The following CRADD variants were observed in gnomAD, a reference collection of about 807,000 sequenced individuals.
CRADD encodes the protein CARD and death domain containing adaptor protein, also known as death domain-containing protein CRADD.
A neutral mutation model predicts 15.5 loss-of-function variants in CRADD; 9 were observed. That is an observed-to-expected ratio of 0.58 (90% CI 0.35 to 1.01). The LOEUF is 1.01. CRADD is among the 50% of genes least tolerant of loss of function. CRADD has a pLI of 0.02. For synonymous variants in CRADD, 118 were observed against 107.6 expected, an observed-to-expected ratio of 1.10 and a Z score of -0.60; for missense variants, 227 against 250.3, an observed-to-expected ratio of 0.91 and a Z score of 0.63.
At chr12:93,888,608 T>A (rs1958554958) in intron 2 of CRADD, among the ~76,000 whole-genome samples, 1 of 151,814 alleles carries the variant, frequency 6.6e-6, no homozygotes, top group African/African-American at 2.4e-5. Context: ...AAAGATCTGT[T>A]TGGGGATTTG....
At chr12:93,855,574 G>C (rs193222929), downstream of CRADD, among the ~76,000 whole-genome samples, 43 of 152,336 alleles carry the variant, frequency 2.8e-4, no homozygotes, top group Non-Finnish European at 5.1e-4. Flanking sequence ...CATTTGCCTG[G>C]CTTCTTGGGA....
chr12:93,787,089 G>T, intron 2 of CRADD, among the ~76,000 whole-genome samples: 1 of 146,238 alleles, frequency 6.8e-6, no homozygotes. Flanking sequence ...GTCTCTCTTT[G>T]GAATTTACTT....
chr12:93,817,170 T>A (rs762940226), intron 2 of CRADD, among the ~76,000 whole-genome samples: 3 of 152,176 alleles, frequency 2.0e-5, no homozygotes, highest in Non-Finnish European at 4.4e-5. Context: ...GCTGTCACTG[T>A]CTCCTAATTT....
intron 2 of CRADD, among the ~76,000 whole-genome samples, chr12:93,694,956 AAAC>A (rs1955665474): frequency 6.6e-6 from 1 of 152,244 alleles, no homozygotes; most frequent in African/African-American, 2.4e-5. Flanking sequence ...GAAATAGAAA[AAAC>A]AATTCTGAAA....
chr12:93,872,486 A>G (rs991553905), intron 2 of CRADD, among the ~76,000 whole-genome samples: 3 of 152,114 alleles, frequency 2.0e-5, no homozygotes, highest in Admixed American at 6.6e-5. Context: ...GCCCAGGCCA[A>G]TGTTCTGGAG....
At chr12:93,828,815 C>G (rs576993853) in intron 2 of CRADD, among the ~76,000 whole-genome samples, 101 of 152,282 alleles carry the variant, frequency 6.6e-4, no homozygotes, top group African/African-American at 2.4e-3. Flanking sequence ...CTAAGGTCTT[C>G]ACATTTCTTT....
intron 2 of CRADD, among the ~76,000 whole-genome samples, chr12:93,698,322 A>G (rs75768276): frequency 0.039 from 5,980 of 152,216 alleles, 470 homozygotes; most frequent in East Asian, 0.2. Flanking sequence ...ATGTGATGCC[A>G]AAAAAAGGAG....
intron 2 of CRADD, among the ~76,000 whole-genome samples, chr12:93,710,069 G>A (rs535495551): frequency 4.6e-5 from 7 of 152,142 alleles, no homozygotes; most frequent in Non-Finnish European, 1.0e-4. Context: ...TCACAATTTG[G>A]TGTGTTGGCT....
At chr12:93,868,005 A>C (rs889484083) in intron 2 of CRADD, among the ~76,000 whole-genome samples, 2 of 152,240 alleles carry the variant, frequency 1.3e-5, no homozygotes, top group African/African-American at 4.8e-5. Flanking sequence ...GGAAAGATTT[A>C]AAGTTGAAAA....
intron 2 of CRADD, among the ~76,000 whole-genome samples, chr12:93,727,009 T>C (rs1271453421): frequency 6.6e-6 from 1 of 152,250 alleles, no homozygotes; most frequent in Non-Finnish European, 1.5e-5. Flanking sequence ...AAGGTCCTTT[T>C]ATTTTATGAT....
chr12:93,892,551 G>A (rs1306919606), intron 2 of CRADD, among the ~76,000 whole-genome samples: 1 of 151,792 alleles, frequency 6.6e-6, no homozygotes, highest in Non-Finnish European at 1.5e-5. Flanking sequence ...GGTTCGGAGT[G>A]TCACTCCCCT....
At chr12:93,732,929 T>A (rs76374519) in intron 2 of CRADD, among the ~76,000 whole-genome samples, 4,145 of 152,340 alleles carry the variant, frequency 0.027, 74 homozygotes, top group Middle Eastern at 0.041. Context: ...ATGCACACTG[T>A]CTTGTCTAAT....
At chr12:93,806,052 T>C (rs1957533755) in intron 2 of CRADD, among the ~76,000 whole-genome samples, 1 of 152,130 alleles carries the variant, frequency 6.6e-6, no homozygotes, top group African/African-American at 2.4e-5. Flanking sequence ...AGATTAGGTA[T>C]TTCAATATGT....
intron 2 of CRADD, among the ~76,000 whole-genome samples, chr12:93,724,602 G>A (rs1956321625): frequency 1.3e-5 from 2 of 152,064 alleles, no homozygotes; most frequent in African/African-American, 4.8e-5. Flanking sequence ...GAAGCCTCTT[G>A]ACTTTTCATT....
At chr12:93,853,065 T>G (rs183444499), downstream of CRADD, among the ~76,000 whole-genome samples, 4 of 152,322 alleles carry the variant, frequency 2.6e-5, no homozygotes, top group East Asian at 5.8e-4. Flanking sequence ...TTTCTCTGCC[T>G]GCATATCCTT....
In CRADD at chr12:93,700,905, A is replaced by G. The variant is rs566564996; in HGVS notation, c.298+21833A>G. ...TTCAGGAAGCCTTCCCATACCTTCT[A>G]TGTTGGATTAAGTCCTCTCTCATGC... is the stretch of plus-strand genomic sequence containing the variant. On this transcript the variant is annotated intron_variant, in intron 2 of 2. Transcript: ENST00000332896. Among the ~76,000 whole-genome samples, 6 of 152,032 alleles carry G rather than the reference A, an allele frequency of 3.9e-5. No homozygotes were observed. The South Asian group carries it at 8.3e-4, about 21-fold the overall frequency.
intron 2 of CRADD, among the ~76,000 whole-genome samples, chr12:93,697,540 A>C (rs552017511): frequency 6.6e-6 from 1 of 152,222 alleles, no homozygotes; most frequent in Non-Finnish European, 1.5e-5. Context: ...TCGTATTTCA[A>C]AACATCATGT....
In CRADD at chr12:93,824,354, C is replaced by T. The variant is rs118042896; in HGVS notation, c.299-25616C>T. 3.6e-3 allele frequency among the ~76,000 whole-genome samples: 548 copies of T among 152,180 alleles called. 1 individual carries two copies. Among genetic ancestry groups the T allele is most frequent in the Non-Finnish European group, 6.6e-3 (446 of 68,024 alleles). On this transcript the variant is annotated intron_variant, in intron 2 of 2. Transcript: ENST00000332896. This position sits in a 1 kb window ranked among gnomAD's most constrained non-coding sequence, Gnocchi z 4.3. ...TAATTTCCTAGGTTTGATAGCACTT[C>T]AATTTTCTAACCATAAAAGCTGCTT...
At chr12:93,817,239 A>G (rs1435339923) in intron 2 of CRADD, among the ~76,000 whole-genome samples, 2 of 152,156 alleles carry the variant, frequency 1.3e-5, no homozygotes, top group African/African-American at 4.8e-5. Flanking sequence ...ACTTCCAGCC[A>G]GGTCTCTCCC....
Sources: gnomAD v4.1 joint callset for allele counts (sites outside exome capture counted in the v4.1 genomes callset) on GRCh38, gnomAD v4.1.1 for gene constraint, Gnocchi (gnomAD v3.1) non-coding constraint, MANE v1.5 for transcripts, NCBI Gene and HGNC (gene_info 2026-07-23, HGNC 2026-07-21) for gene names.